The following DLGAP4 variants were observed in gnomAD, a reference collection of about 807,000 sequenced individuals.
The protein encoded by DLGAP4 is DLG associated protein 4, also known as disks large-associated protein 4.
In DLGAP4, 18 loss-of-function variants were observed where a neutral mutation model predicts 86.9. That is an observed-to-expected ratio of 0.21 (90% confidence interval 0.14 to 0.31). DLGAP4 has a LOEUF of 0.31. Among genes scored for constraint, DLGAP4 ranks in the 10% least tolerant of loss-of-function variants. The pLI, the probability that DLGAP4 is intolerant of heterozygous loss-of-function variation, is 1.00. For synonymous variants in DLGAP4, 548 were observed against 574.3 expected, an observed-to-expected ratio of 0.95 and a Z score of 0.65; for missense variants, 1,085 against 1,362.6, an observed-to-expected ratio of 0.80 and a Z score of 3.21.
At chr20:36,524,546 T>TTTC (rs2037584842) in intron 11 of DLGAP4, among the ~76,000 whole-genome samples, 1 of 152,214 alleles carries the variant, frequency 6.6e-6, no homozygotes, top group Admixed American at 6.5e-5. Context: ...CTCTAATATC[T>TTTC]TTCCATGTTG....
At chr20:36,380,594 AGAGAGAGAGAGAGAGAGAGAGAGAGAG>A (rs1271927459) in intron 2 of DLGAP4, among the ~76,000 whole-genome samples, 2 of 362 alleles carry the variant, frequency 5.5e-3, no homozygotes, top group Non-Finnish European at 0.015. Flanking sequence ...TCTGCATTAA[AGAGAGAGAGAGAGAGAGAGAGAGAGAG>A]AGAGAGAGAG....
At chr20:36,413,860 C>T (rs1016555282) in intron 2 of DLGAP4, among the ~76,000 whole-genome samples, 2 of 152,070 alleles carry the variant, frequency 1.3e-5, no homozygotes, top group Non-Finnish European at 2.9e-5. Context: ...AATAATATTC[C>T]ATTGTATGGC....
chr20:36,440,701 G>A (rs1373934843), intron 5 of DLGAP4, among the ~76,000 whole-genome samples: 1 of 151,998 alleles, frequency 6.6e-6, no homozygotes, highest in Admixed American at 6.5e-5. Context: ...CCGTGTACTC[G>A]GCACTTTAGG....
At chr20:36,427,145 T>C (rs1457417687) in intron 2 of DLGAP4, among the ~76,000 whole-genome samples, 1 of 152,042 alleles carries the variant, frequency 6.6e-6, no homozygotes, top group East Asian at 1.9e-4. Flanking sequence ...ATCACACCAC[T>C]GCACTCCAGC....
chr20:36,407,002 C>G (rs1480103524), intron 2 of DLGAP4, among the ~76,000 whole-genome samples: 1 of 152,012 alleles, frequency 6.6e-6, no homozygotes, highest in East Asian at 1.9e-4. Flanking sequence ...CTGCAGGAGT[C>G]CAACAGACCC....
At chr20:36,353,608 C>T (rs1439524786) in intron 1 of DLGAP4, among the ~76,000 whole-genome samples, 2 of 152,234 alleles carry the variant, frequency 1.3e-5, no homozygotes, top group Non-Finnish European at 2.9e-5. Flanking sequence ...AGCCGTACAG[C>T]TGGGGAAGCT....
Position 36,497,005 on chromosome 20 carries a change from C to T in DLGAP4, c.1949C>T (p.Thr650Ile). ...AALKSEQGTL[T>I]SSESHPEAAP... The stretch of plus-strand genomic sequence containing the variant: ...CTGAAAAGTGAACAAGGGACGCTGA[C>T]CAGCTCTGAGTCCCACCCCGAGGCC... Residue 650 changes from threonine to isoleucine, a missense_variant, in exon 8 of 13, where the codon ACC becomes ATC. Physicochemically the swap from Thr to Ile is moderately conservative, Grantham distance 89. Transcript: ENST00000339266. 2.5e-6 allele frequency: 4 copies of T among 1,614,086 alleles called. No homozygotes were observed. The highest frequency in any genetic ancestry group is 2.5e-6 in the Non-Finnish European group (3 of 1,179,992).
At chr20:36,384,783 G>A (rs139721630) in intron 2 of DLGAP4, among the ~76,000 whole-genome samples, 2,464 of 152,298 alleles carry the variant, frequency 0.016, 34 homozygotes, top group Non-Finnish European at 0.025. Flanking sequence ...GAGATCAGGG[G>A]TGGTGGTGTG....
chr20:36,380,862 C>T (rs1297553691), intron 2 of DLGAP4, among the ~76,000 whole-genome samples: 2 of 152,192 alleles, frequency 1.3e-5, no homozygotes, highest in East Asian at 3.8e-4. Context: ...TTTCCTTTTC[C>T]TACCAGGGAA....
In DLGAP4 at chr20:36,432,264, A is replaced by G; in HGVS notation, c.547A>G (p.Lys183Glu). ...GMEDGKGRRA[K>E]SKERAKAGEP... The stretch of plus-strand genomic sequence containing the variant: ...GGAGGACGGCAAGGGCCGGAGGGCC[A>G]AAAGCAAGGAGCGGGCCAAGGCTGG... The change falls in exon 3 of 13, where the codon AAA becomes GAA. Residue 183 changes from lysine (K) to glutamate (E), a missense_variant. Around this residue, in one of 2 missense-constraint regions of DLGAP4, gnomAD observed 1,082 missense variants for 1,344.1 expected, o/e 0.81. Coordinates refer to ENST00000339266, the MANE Select transcript of DLGAP4 (RefSeq NM_001365621.2). This position sits in a 1 kb window ranked among gnomAD's most constrained non-coding sequence, Gnocchi z 6.5. 6.2e-7 allele frequency: 1 copy of G among 1,613,768 alleles called. No homozygotes were observed. The highest frequency in any genetic ancestry group is 8.5e-7 in the Non-Finnish European group (1 of 1,179,880).
chr20:36,332,574 G>C (rs1363336738), intron 1 of DLGAP4, among the ~76,000 whole-genome samples: 1 of 151,982 alleles, frequency 6.6e-6, no homozygotes, highest in Non-Finnish European at 1.5e-5. Context: ...ATTTTTAGTA[G>C]AGACAGGGTT....
intron 7 of DLGAP4, 28 bp downstream of exon 7, chr20:36,446,965 T>C: frequency 1.3e-6 from 2 of 1,574,628 alleles, no homozygotes; most frequent in Non-Finnish European, 1.7e-6. Flanking sequence ...GGAAGGGGTT[T>C]TTTTTCTTTT....
chr20:36,358,677 G>A (rs371471269), intron 1 of DLGAP4, among the ~76,000 whole-genome samples: 2 of 152,094 alleles, frequency 1.3e-5, no homozygotes, highest in Non-Finnish European at 1.5e-5. Flanking sequence ...GTGTGGTGGT[G>A]GACGCCTGTA....
chr20:36,320,835 TCTAA>T (rs2065160922), intron 1 of DLGAP4, among the ~76,000 whole-genome samples: 1 of 152,158 alleles, frequency 6.6e-6, no homozygotes, highest in Non-Finnish European at 1.5e-5. Flanking sequence ...GCCACATCTC[TCTAA>T]CTCTTTACCT....
At chr20:36,521,506 G>T (rs1361520027) in intron 10 of DLGAP4, among the ~76,000 whole-genome samples, 1 of 152,048 alleles carries the variant, frequency 6.6e-6, no homozygotes, top group Non-Finnish European at 1.5e-5. Flanking sequence ...CTACCCTGGG[G>T]AGCTCATTTT....
chr20:36,335,891 A>T (rs1569460640), intron 1 of DLGAP4, among the ~76,000 whole-genome samples: 1 of 151,996 alleles, frequency 6.6e-6, no homozygotes, highest in Non-Finnish European at 1.5e-5. Context: ...GCCTGTAATG[A>T]CTTGTTGACT....
chr20:36,500,495 CCTG>C lies in DLGAP4; in HGVS notation c.2398_2400del (p.Cys800del). The C allele has an allele frequency of 1.3e-6, 2 of 1,593,462 alleles. No homozygotes were observed. The highest frequency in any genetic ancestry group is 1.7e-6 in the Non-Finnish European group (2 of 1,169,448). On this transcript the variant is annotated inframe_deletion, in exon 10 of 13. Coordinates refer to ENST00000339266, the MANE Select transcript of DLGAP4 (RefSeq NM_001365621.2). This position sits in a 1 kb window ranked among gnomAD's most constrained non-coding sequence, Gnocchi z 4.6. ...CCAGCAGAGCCGGCACAGCCAGGGG[CCTG>C]CCGCCGAGACGGCTACTGGTTCCTA...
At chr20:36,389,512 G>A (rs748068013) in intron 2 of DLGAP4, among the ~76,000 whole-genome samples, 10 of 152,160 alleles carry the variant, frequency 6.6e-5, no homozygotes, top group Non-Finnish European at 1.5e-4. Flanking sequence ...CCTGAGACCT[G>A]TTGCACGCTA....
At chr20:36,309,448 G>C (rs913371137) in intron 1 of DLGAP4, among the ~76,000 whole-genome samples, 1 of 152,190 alleles carries the variant, frequency 6.6e-6, no homozygotes, top group Non-Finnish European at 1.5e-5. Flanking sequence ...CTGGGGAATG[G>C]GGGGAGACTT....
Sources: gnomAD v4.1 joint callset for allele counts (sites outside exome capture counted in the v4.1 genomes callset) on GRCh38, gnomAD v4.1.1 for gene constraint, gnomAD v4.1.1 regional missense constraint, Gnocchi (gnomAD v3.1) non-coding constraint, MANE v1.5 for transcripts, NCBI Gene and HGNC (gene_info 2026-07-23, HGNC 2026-07-21) for gene names.